The following NDUFAF6 variants were observed in gnomAD, a reference collection of about 807,000 sequenced individuals.
NDUFAF6 encodes the protein NADH:ubiquinone oxidoreductase complex assembly factor 6.
A neutral mutation model predicts 40.8 loss-of-function variants in NDUFAF6; 45 were observed. The observed-to-expected ratio is 1.10, with a 90% CI of 0.87 to 1.42. The LOEUF (loss-of-function observed/expected upper bound fraction) is 1.42, where lower values mean the gene tolerates loss of function less well. Among genes scored for constraint, NDUFAF6 ranks in the 40% most tolerant of loss-of-function variants. The probability of loss-of-function intolerance (pLI) is 0.00; values close to 1 mark genes in which losing one functional copy is unlikely to be tolerated. For missense variants in NDUFAF6, 435 were observed against 418.5 expected (o/e 1.04, Z -0.34); for synonymous variants, 185 against 155.9 (o/e 1.19, Z -1.39).
intron 1 of NDUFAF6, among the ~76,000 whole-genome samples, chr8:95,025,740 G>C (rs937244011): frequency 6.6e-6 from 1 of 152,206 alleles, no homozygotes; most frequent in Non-Finnish European, 1.5e-5. Context: ...AGGAAACTGG[G>C]TTTTATAGTG....
intron 1 of NDUFAF6, chr8:94,975,768 A>T (rs758475522): frequency 6.6e-6 from 1 of 152,184 alleles, no homozygotes; most frequent in Non-Finnish European, 1.5e-5. Flanking sequence ...TTTTATTTTC[A>T]GCATCTTTTG....
chr8:94,961,116 A>G (rs887701598), intron 1 of NDUFAF6, among the ~76,000 whole-genome samples: 2 of 152,258 alleles, frequency 1.3e-5, no homozygotes, highest in Non-Finnish European at 2.9e-5. Flanking sequence ...ACAGAGAAGC[A>G]AAATAAACCA....
Position 94,904,320 on chromosome 8 carries a change from C to CTTT in NDUFAF6, c.-936+8428_-936+8430dup, listed in dbSNP as rs57749627. Among the ~76,000 whole-genome samples the CTTT allele has an allele frequency of 1.1e-3, 38 of 34,140 alleles. 11 individuals carry two copies. The highest frequency in any genetic ancestry group is 2.5e-3 in the East Asian group (2 of 814). The allele number at this position is 34,140 out of a possible 152,430, so 22.4% of individuals were successfully genotyped here. ...CATCACACCTGGCTAATTTTTTTTGCTTTTTTTTTTTTTTTTTTTTTTTTT... is the reference window on the plus strand; with the variant it reads ...CATCACACCTGGCTAATTTTTTTTGCTTTTTTTTTTTTTTTTTTTTTTTTTTTT... On this transcript the variant is annotated intron_variant, in intron 1 of 14. Transcript: ENST00000396113.
chr8:94,971,830 C>T (rs192273389), intron 1 of NDUFAF6, among the ~76,000 whole-genome samples: 2 of 151,808 alleles, frequency 1.3e-5, no homozygotes, highest in South Asian at 2.1e-4. Context: ...CCCAGCTACT[C>T]GGGAGGCTGA....
At chr8:94,925,986 A>C (rs1300289345) in intron 1 of NDUFAF6, 2 of 152,686 alleles carry the variant, frequency 1.3e-5, no homozygotes, top group African/African-American at 4.8e-5. Context: ...GTTAAAGGAC[A>C]CTTTATTTAC....
intron 1 of NDUFAF6, among the ~76,000 whole-genome samples, chr8:94,921,045 C>T (rs1819465592): frequency 6.6e-6 from 1 of 152,202 alleles, no homozygotes; most frequent in Non-Finnish European, 1.5e-5. Flanking sequence ...GCCAATGAGA[C>T]ATACAAACAG....
chr8:94,932,621 G>A (rs1437059075), intron 1 of NDUFAF6, among the ~76,000 whole-genome samples: 1 of 152,104 alleles, frequency 6.6e-6, no homozygotes, highest in African/African-American at 2.4e-5. Context: ...GGCTAAAACA[G>A]TGAAACCCCG....
intron 1 of NDUFAF6, among the ~76,000 whole-genome samples, chr8:94,907,642 C>T (rs1461361159): frequency 6.6e-6 from 1 of 152,172 alleles, no homozygotes; most frequent in Non-Finnish European, 1.5e-5. Context: ...GTGAGCAAGT[C>T]AGAGTTCATC....
chr8:95,100,158 T>C (rs1253551510), upstream of NDUFAF6, among the ~76,000 whole-genome samples: 1 of 152,016 alleles, frequency 6.6e-6, no homozygotes, highest in Non-Finnish European at 1.5e-5. Flanking sequence ...TAGTTCATGC[T>C]GTGTAAGGAA....
intron 1 of NDUFAF6, chr8:94,939,878 T>C (rs1221090733): frequency 6.2e-7 from 1 of 1,613,290 alleles, no homozygotes; most frequent in Admixed American, 1.7e-5. Context: ...ACTTGGGCTA[T>C]GTAATTCATC....
chr8:95,004,372 T>C (rs972101334), intron 2 of NDUFAF6, among the ~76,000 whole-genome samples: 8 of 140,126 alleles, frequency 5.7e-5, no homozygotes, highest in African/African-American at 2.0e-4. Context: ...TTTTTTTTTT[T>C]GAGACCGGGT....
intron 9 of NDUFAF6, chr8:95,071,753 G>A (rs1470722037): frequency 6.6e-6 from 1 of 152,334 alleles, no homozygotes; most frequent in Non-Finnish European, 1.5e-5. Flanking sequence ...TACCCAAGAG[G>A]TGGTAGCGGT....
chr8:95,050,916 G>A (rs1831358911), intron 7 of NDUFAF6, among the ~76,000 whole-genome samples: 1 of 152,216 alleles, frequency 6.6e-6, no homozygotes, highest in Non-Finnish European at 1.5e-5. Context: ...AAGGTTGCAT[G>A]AAGAATTCAA....
rs181215671 is a variant in NDUFAF6 at position 94,985,660 on chromosome 8, C to T, written c.-84+4687C>T. On this transcript the variant is annotated intron_variant, in intron 2 of 9. Coordinates refer to the NDUFAF6 transcript ENST00000396111. ...AAGCAATTCTCCTGCCTCAGCCTTC[C>T]GAGTAGGTGGGATTACAGGCATGCA... 2.7e-3 allele frequency among the ~76,000 whole-genome samples: 394 copies of T among 143,660 alleles called. 4 individuals are homozygous for T. The East Asian group carries it at 0.042, about 15-fold the overall frequency. 94.2% of individuals were successfully genotyped at this position (143,660 alleles called of 152,430 possible).
intron 1 of NDUFAF6, among the ~76,000 whole-genome samples, chr8:95,100,894 C>T (rs959793095): frequency 6.6e-6 from 1 of 152,148 alleles, no homozygotes; most frequent in Non-Finnish European, 1.5e-5. Context: ...CCCTCCCGAC[C>T]CCCCTCGCCC....
chr8:95,097,988 C>T (rs371773988), upstream of NDUFAF6, among the ~76,000 whole-genome samples: 54 of 152,060 alleles, frequency 3.6e-4, 2 homozygotes, highest in African/African-American at 1.0e-3. Flanking sequence ...GGGGTTGCTA[C>T]GCAACAGTAA....
intron 1 of NDUFAF6, among the ~76,000 whole-genome samples, chr8:94,963,880 A>G (rs1339028105): frequency 6.6e-6 from 1 of 152,234 alleles, no homozygotes; most frequent in African/African-American, 2.4e-5. Context: ...TCAGTGCACA[A>G]GCTCAGCAGG....
intron 1 of NDUFAF6, among the ~76,000 whole-genome samples, chr8:94,980,068 G>A (rs894240767): frequency 6.6e-6 from 1 of 151,348 alleles, no homozygotes; most frequent in Admixed American, 6.6e-5. Context: ...CTGCACTGCA[G>A]CCTGGTTTAC....
intron 9 of NDUFAF6, among the ~76,000 whole-genome samples, chr8:95,073,973 A>G (rs916475758): frequency 2.0e-5 from 3 of 152,220 alleles, no homozygotes; most frequent in African/African-American, 7.2e-5. Context: ...TTAAGGCATG[A>G]TAATGGCATT....
Sources: gnomAD v4.1 joint callset for allele counts (sites outside exome capture counted in the v4.1 genomes callset) on GRCh38, gnomAD v4.1.1 for gene constraint, MANE v1.5 for transcripts, NCBI Gene and HGNC (gene_info 2026-07-23, HGNC 2026-07-21) for gene names.